The following SLC7A9 variants were observed in gnomAD, a reference collection of about 807,000 sequenced individuals.
SLC7A9 encodes the protein solute carrier family 7 member 9.
Under a neutral mutation model 54.1 loss-of-function variants are expected in SLC7A9, and 38 were observed. That is an observed-to-expected ratio of 0.70 (90% CI 0.54 to 0.92). The LOEUF (loss-of-function observed/expected upper bound fraction) is 0.92, where lower values mean the gene tolerates loss of function less well. Among genes scored for constraint, SLC7A9 ranks in the 40% least tolerant of loss-of-function variants. The pLI is 0.00. For synonymous variants in SLC7A9, 264 were observed against 258.9 expected (o/e 1.02, Z -0.19); for missense variants, 537 against 636.1 (o/e 0.84, Z 1.68).
intron 9 of SLC7A9, among the ~76,000 whole-genome samples, chr19:32,847,100 A>G (rs989072461): frequency 1.3e-5 from 2 of 152,228 alleles, no homozygotes; most frequent in African/African-American, 4.8e-5. Context: ...CAGAGCAGAA[A>G]AACTGGAAAC....
At chr19:32,836,593 T>G (rs1392211371) in intron 11 of SLC7A9, among the ~76,000 whole-genome samples, 2 of 152,188 alleles carry the variant, frequency 1.3e-5, no homozygotes, top group African/African-American at 4.8e-5. Flanking sequence ...TCGCTGTTGC[T>G]GGGGTTCGGG....
At chr19:32,837,685 G>A (rs116836471) in intron 11 of SLC7A9, among the ~76,000 whole-genome samples, 207 of 152,158 alleles carry the variant, frequency 1.4e-3, no homozygotes, top group African/African-American at 4.1e-3. Context: ...ACATGGTCTC[G>A]CAAGACGTGA....
At chr19:32,857,350 G>A (rs1283357520) in intron 9 of SLC7A9, among the ~76,000 whole-genome samples, 3 of 151,990 alleles carry the variant, frequency 2.0e-5, no homozygotes, top group Non-Finnish European at 2.9e-5. Flanking sequence ...AGGCTGAGGA[G>A]GGAGGATTGC....
At chr19:32,865,075 A>G (rs1337803696) in intron 2 of SLC7A9, among the ~76,000 whole-genome samples, 1 of 152,220 alleles carries the variant, frequency 6.6e-6, no homozygotes, top group Admixed American at 6.5e-5. Flanking sequence ...TTACAGCTAG[A>G]GAGGGGGAAA....
intron 9 of SLC7A9, among the ~76,000 whole-genome samples, chr19:32,850,659 A>G (rs2145824353): frequency 6.6e-6 from 1 of 152,328 alleles, no homozygotes; most frequent in African/African-American, 2.4e-5. Context: ...GACTTTCTTC[A>G]CAGAATTGGA....
chr19:32,841,866 C>CA (rs1351235133), intron 11 of SLC7A9, among the ~76,000 whole-genome samples: 1 of 152,180 alleles, frequency 6.6e-6, no homozygotes, highest in African/African-American at 2.4e-5. Context: ...AAGGATGCGC[C>CA]ACTGCACTCC....
chr19:32,858,560 G>C lies in SLC7A9; in HGVS notation c.874-17C>G. The C allele has an allele frequency of 6.3e-7, 1 of 1,589,340 alleles. No individual in the cohort carries two copies. ...ACCAAATGTCTGGTGAGAGAAGCGA[G>C]ATGAGTCCTGAGGGTCTTTCTTGGC... On this transcript the variant is annotated splice_polypyrimidine_tract_variant and intron_variant, in intron 8 of 12. Coordinates refer to ENST00000023064, the MANE Select transcript of SLC7A9 (RefSeq NM_014270.5).
At chr19:32,851,347 A>G (rs1355208579) in intron 9 of SLC7A9, among the ~76,000 whole-genome samples, 4 of 152,138 alleles carry the variant, frequency 2.6e-5, no homozygotes, top group Non-Finnish European at 5.9e-5. Context: ...AACCCCATCA[A>G]AAAGTGGGCA....
intron 11 of SLC7A9, among the ~76,000 whole-genome samples, chr19:32,834,060 T>C (rs1487550402): frequency 8.5e-5 from 13 of 152,130 alleles, no homozygotes; most frequent in African/African-American, 3.1e-4. Context: ...CAAAGGCAAC[T>C]CCAGCCTGTG....
intron 9 of SLC7A9, among the ~76,000 whole-genome samples, chr19:32,851,625 A>G (rs56733867): frequency 0.11 from 16,534 of 150,924 alleles, 1,023 homozygotes; most frequent in Middle Eastern, 0.15. Flanking sequence ...ATTCCTTAGG[A>G]ATCTAGAACT....
chr19:32,840,170 CTTTCT>C (rs1173841077), intron 11 of SLC7A9, among the ~76,000 whole-genome samples: 1 of 151,846 alleles, frequency 6.6e-6, no homozygotes, highest in African/African-American at 2.4e-5. Context: ...CTCTTATGTT[CTTTCT>C]TTTCTTTTTT....
intron 11 of SLC7A9, among the ~76,000 whole-genome samples, chr19:32,839,485 G>A (rs1453628243): frequency 4.0e-5 from 6 of 151,590 alleles, no homozygotes; most frequent in South Asian, 2.1e-4. Flanking sequence ...CCCAGGAGGC[G>A]GAGGTTACAG....
intron 4 of SLC7A9, 74 bp from the exon 5 acceptor site, chr19:32,862,660 T>C (rs1968837837): frequency 5.3e-6 from 7 of 1,331,240 alleles, no homozygotes; most frequent in Admixed American, 2.9e-5. Flanking sequence ...TTCTTTTATA[T>C]ATTTTTTATT....
chr19:32,856,973 A>C (rs1310324179), intron 9 of SLC7A9, among the ~76,000 whole-genome samples: 2 of 152,096 alleles, frequency 1.3e-5, no homozygotes, highest in Non-Finnish European at 2.9e-5. Flanking sequence ...CAAGATGGTG[A>C]AACTCCGTCT....
At chr19:32,837,735 C>T (rs1968005753) in intron 11 of SLC7A9, among the ~76,000 whole-genome samples, 1 of 152,020 alleles carries the variant, frequency 6.6e-6, no homozygotes, top group Non-Finnish European at 1.5e-5. Flanking sequence ...CTACACGTGG[C>T]TTTCAGTACG....
chr19:32,840,354 A>G (rs1968095055), intron 11 of SLC7A9, among the ~76,000 whole-genome samples: 2 of 151,946 alleles, frequency 1.3e-5, no homozygotes, highest in African/African-American at 4.8e-5. Context: ...TTGTAGAGAC[A>G]GGGTCTTGCT....
chr19:32,857,715 C>T (rs540716811), intron 9 of SLC7A9, among the ~76,000 whole-genome samples: 1 of 152,280 alleles, frequency 6.6e-6, no homozygotes, highest in Admixed American at 6.5e-5. Flanking sequence ...ATGGAAACCA[C>T]CCACACCCAG....
At chr19:32,848,866 C>T (rs1348496510) in intron 9 of SLC7A9, among the ~76,000 whole-genome samples, 1 of 152,140 alleles carries the variant, frequency 6.6e-6, no homozygotes, top group Non-Finnish European at 1.5e-5. Flanking sequence ...AACTAGAACT[C>T]AGGATTAAGA....
intron 2 of SLC7A9, among the ~76,000 whole-genome samples, chr19:32,865,765 G>A (rs888213299): frequency 3.9e-5 from 6 of 152,148 alleles, no homozygotes; most frequent in Non-Finnish European, 8.8e-5. Flanking sequence ...GAGGTTGGGA[G>A]TGGGAGACCA....
Sources: allele counts gnomAD v4.1 joint callset (sites outside exome capture counted in the v4.1 genomes callset), GRCh38; gene constraint gnomAD v4.1.1; transcripts MANE v1.5; gene names NCBI Gene and HGNC (gene_info 2026-07-23, HGNC 2026-07-21).